Variants in L3MBTL4 observed in about 807,000 individuals in gnomAD.
L3MBTL4 encodes the protein L3MBTL histone methyl-lysine binding protein 4, also known as lethal(3)malignant brain tumor-like protein 4.
In L3MBTL4, 70 loss-of-function variants were observed where a neutral mutation model predicts 84.5. The observed-to-expected ratio is 0.83, with a 90% CI of 0.68 to 1.01. The LOEUF is 1.01. L3MBTL4 is among the 50% of genes least tolerant of loss of function. L3MBTL4 has a pLI of 0.00. For synonymous variants in L3MBTL4, 274 were observed against 259.8 expected (o/e 1.05, Z -0.52); for missense variants, 715 against 754.8 (o/e 0.95, Z 0.62).
At chr18:6,293,331 A>C (rs896535504) in intron 4 of L3MBTL4, among the ~76,000 whole-genome samples, 1 of 152,182 alleles carries the variant, frequency 6.6e-6, no homozygotes, top group African/African-American at 2.4e-5. Context: ...AGGAGAGTTC[A>C]AGATAAGCCT....
chr18:6,257,825 T>C (rs1350560835), intron 5 of L3MBTL4, among the ~76,000 whole-genome samples: 1 of 152,058 alleles, frequency 6.6e-6, no homozygotes, highest in African/African-American at 2.4e-5. Context: ...TTTGTATTTT[T>C]AGTAGAGACG....
rs190942475 is a variant in L3MBTL4 at position 6,120,436 on chromosome 18, G to T, written c.1199+17758C>A. Among the ~76,000 whole-genome samples, 60 of 152,280 alleles carry T rather than the reference G, an allele frequency of 3.9e-4. 1 individual carries two copies. The East Asian group carries it at 0.01, about 26-fold the overall frequency. On this transcript the variant is annotated intron_variant, in intron 14 of 18. Transcript: ENST00000317931. ...AGGGCCAGCTTGTGGAGAAACTTGT[G>T]AGTAACGTTAGGAAGGCTACTCTGA...
intron 4 of L3MBTL4, among the ~76,000 whole-genome samples, chr18:6,271,106 C>G (rs1272943050): frequency 6.6e-6 from 1 of 152,112 alleles, no homozygotes; most frequent in Non-Finnish European, 1.5e-5. Context: ...TAGACCGCAG[C>G]AGTGGTTTGG....
At chr18:6,010,894 T>A (rs2054703989) in intron 16 of L3MBTL4, among the ~76,000 whole-genome samples, 1 of 152,194 alleles carries the variant, frequency 6.6e-6, no homozygotes. Flanking sequence ...AAGAAGAACA[T>A]TTCTTTAATA....
At chr18:6,413,374 A>G (rs1157762815) in intron 1 of L3MBTL4, among the ~76,000 whole-genome samples, 8 of 152,096 alleles carry the variant, frequency 5.3e-5, no homozygotes. Context: ...TTCCTACTCA[A>G]CCATTACACA....
intron 16 of L3MBTL4, among the ~76,000 whole-genome samples, chr18:6,005,023 T>A (rs2054402448): frequency 7.2e-6 from 1 of 139,726 alleles, no homozygotes; most frequent in African/African-American, 2.7e-5. Context: ...TTTTTTTTTT[T>A]TTTTACTTTT....
intron 1 of L3MBTL4, among the ~76,000 whole-genome samples, chr18:6,388,267 G>A (rs1276749034): frequency 6.6e-6 from 1 of 152,122 alleles, no homozygotes; most frequent in African/African-American, 2.4e-5. Flanking sequence ...ATTAAGGATG[G>A]TTATTCTGGC....
Position 6,369,470 on chromosome 18 carries a change from A to C in L3MBTL4, c.-91+45331T>G, listed in dbSNP as rs182992667. On this transcript the variant is annotated intron_variant, in intron 1 of 18. Coordinates refer to ENST00000317931, the MANE Select transcript of L3MBTL4 (RefSeq NM_001330559.2). ...TGGTCCAAAACTGTCAATGGTGCTA[A>C]GGCTGAGAAGCCTTATACAGAGGAA... is the stretch of plus-strand genomic sequence containing the variant. Among the ~76,000 whole-genome samples the C allele has an allele frequency of 2.7e-4, 41 of 152,296 alleles. No individual in the cohort carries two copies. The East Asian group carries it at 7.7e-3, about 29-fold the overall frequency.
intron 16 of L3MBTL4, among the ~76,000 whole-genome samples, chr18:6,003,060 ATCTCTATT>A (rs2054290499): frequency 8.8e-6 from 1 of 113,412 alleles, no homozygotes; most frequent in Non-Finnish European, 1.8e-5. Flanking sequence ...AAAATATAGT[ATCTCTATT>A]TATAGAGATA....
chr18:6,141,602 G>GGATC (rs1288245527), intron 13 of L3MBTL4, among the ~76,000 whole-genome samples: 6 of 152,006 alleles, frequency 3.9e-5, no homozygotes, highest in Admixed American at 3.9e-4. Context: ...ATTTCTCGCT[G>GGATC]GATCCTTCAC....
chr18:6,082,930 A>G (rs954929913), intron 15 of L3MBTL4, among the ~76,000 whole-genome samples: 1 of 152,198 alleles, frequency 6.6e-6, no homozygotes, highest in Non-Finnish European at 1.5e-5. Context: ...AAGGACTCCT[A>G]GCCTTTTCAT....
At chr18:6,092,750 A>C (rs2058501806) in intron 15 of L3MBTL4, among the ~76,000 whole-genome samples, 1 of 152,244 alleles carries the variant, frequency 6.6e-6, no homozygotes, top group Non-Finnish European at 1.5e-5. Flanking sequence ...TAGGTTAAAA[A>C]ATATCACACA....
chr18:6,107,270 A>G (rs950705653), intron 14 of L3MBTL4, among the ~76,000 whole-genome samples: 1 of 152,208 alleles, frequency 6.6e-6, no homozygotes, highest in Non-Finnish European at 1.5e-5. Flanking sequence ...GAGAGGAGAC[A>G]GAGCCAATGG....
intron 12 of L3MBTL4, among the ~76,000 whole-genome samples, chr18:6,181,847 T>C (rs532348486): frequency 3.9e-5 from 6 of 152,232 alleles, no homozygotes; most frequent in Non-Finnish European, 5.9e-5. Context: ...GATCTCCTTC[T>C]TTTTTATGGT....
At chr18:5,959,098 T>C (rs1332471035) in intron 18 of L3MBTL4, among the ~76,000 whole-genome samples, 2 of 152,042 alleles carry the variant, frequency 1.3e-5, no homozygotes, top group African/African-American at 2.4e-5. Flanking sequence ...CTCGGAGGGG[T>C]CCAGAACCCA....
intron 10 of L3MBTL4, among the ~76,000 whole-genome samples, chr18:6,223,069 A>G: frequency 6.6e-6 from 1 of 151,898 alleles, no homozygotes. Context: ...TGTGTTCATG[A>G]AACATCTAGA....
rs1451103920 is a variant in L3MBTL4, at chr18:6,157,196, C to G, written c.1096+14632G>C. Among the ~76,000 whole-genome samples the G allele has an allele frequency of 2.6e-5, 4 of 152,258 alleles. No homozygotes were observed. The East Asian group carries it at 7.7e-4, about 29-fold the overall frequency. On this transcript the variant is annotated intron_variant, in intron 13 of 18. Transcript: ENST00000317931. ...TATTAAGTCAATGAGTACTTAGGGA[C>G]TCTTAAAACTGCTGATTACTTGCTT...
At chr18:6,242,359 A>T (rs2047487554) in intron 7 of L3MBTL4, among the ~76,000 whole-genome samples, 1 of 151,708 alleles carries the variant, frequency 6.6e-6, no homozygotes. Flanking sequence ...TTTCTCCCCC[A>T]TGCTTTCTGA....
At chr18:6,152,054 C>T (rs1182491932) in intron 13 of L3MBTL4, among the ~76,000 whole-genome samples, 1 of 152,152 alleles carries the variant, frequency 6.6e-6, no homozygotes, top group Non-Finnish European at 1.5e-5. Context: ...TTGGAAATGA[C>T]AGGATTTCTT....
Sources: allele counts gnomAD v4.1 joint callset (sites outside exome capture counted in the v4.1 genomes callset), GRCh38; gene constraint gnomAD v4.1.1; transcripts MANE v1.5; gene names NCBI Gene and HGNC (gene_info 2026-07-23, HGNC 2026-07-21).